Variants in RNF216 observed in about 807,000 individuals in gnomAD.
RNF216 encodes the protein ring finger protein 216, also known as E3 ubiquitin-protein ligase RNF216.
Under a neutral mutation model 110.8 loss-of-function variants are expected in RNF216, and 72 were observed. That is an observed-to-expected ratio of 0.65 (90% CI 0.54 to 0.79). The LOEUF is 0.79. Ranked by LOEUF, RNF216 falls within the 30% of genes least tolerant of loss-of-function variation. The pLI, the probability that RNF216 is intolerant of heterozygous loss-of-function variation, is 0.00. For missense variants in RNF216, 1,342 were observed against 1,141.2 expected (o/e 1.18, Z -2.54); for synonymous variants, 495 against 407.5 (o/e 1.21, Z -2.59).
At chr7:5,762,374 C>A in intron 1 of RNF216, among the ~76,000 whole-genome samples, 10 of 151,212 alleles carry the variant, frequency 6.6e-5, no homozygotes, top group Non-Finnish European at 1.3e-4. Flanking sequence ...AACACACACA[C>A]AGGCTGGGTG....
At chr7:5,632,755 C>T (rs537151955) in intron 15 of RNF216, among the ~76,000 whole-genome samples, 33 of 152,126 alleles carry the variant, frequency 2.2e-4, no homozygotes, top group African/African-American at 3.1e-4. Flanking sequence ...CCAGCCTGGG[C>T]GACAAGAGCA....
chr7:5,755,252 AAG>A (rs1169053428), intron 2 of RNF216, among the ~76,000 whole-genome samples: 1 of 151,352 alleles, frequency 6.6e-6, no homozygotes, highest in Non-Finnish European at 1.5e-5. Context: ...GGAAGGAAGG[AAG>A]GAAGGAAGGA....
intron 13 of RNF216, among the ~76,000 whole-genome samples, chr7:5,684,007 A>T (rs1482525429): frequency 6.6e-6 from 1 of 151,366 alleles, no homozygotes; most frequent in Non-Finnish European, 1.5e-5. Flanking sequence ...ATGTGTGAAG[A>T]CCAAGGCAGC....
rs747205368 is a variant in RNF216 at position 5,623,074 on chromosome 7, T to C, written c.2558A>G (p.Gln853Arg). The stretch of plus-strand genomic sequence containing the variant: ...GTGCGCGAAGGCATAGGGTGGCATC[T>C]GTGGCTGTGGCAGGTTCTGCGGAAC... The part of the protein sequence containing the change: ...RPVPQNLPQP[Q>R]MPPYAFAHPP... The change falls in exon 17 of 17, where the codon CAG becomes CGG. Residue 853 changes from glutamine to arginine, a missense_variant. By Grantham distance (43) the Gln-to-Arg change is conservative (BLOSUM62 1). Transcript: ENST00000389902. 4 of 1,612,742 alleles carry C rather than the reference T, an allele frequency of 2.5e-6. No individual in the cohort carries two copies. The highest frequency in any genetic ancestry group is 2.5e-6 in the Non-Finnish European group (3 of 1,178,892).
intron 13 of RNF216, among the ~76,000 whole-genome samples, chr7:5,663,575 C>T (rs972693942): frequency 1.6e-5 from 2 of 123,788 alleles, no homozygotes; most frequent in African/African-American, 3.1e-5. Flanking sequence ...CACAGCGAGA[C>T]TCCACCTCAG....
intron 13 of RNF216, among the ~76,000 whole-genome samples, chr7:5,677,388 G>A (rs1790370288): frequency 6.6e-6 from 1 of 152,124 alleles, no homozygotes. Flanking sequence ...ACTAATCACA[G>A]AACCATATTC....
chr7:5,730,271 T>G (rs1192836604), intron 6 of RNF216, among the ~76,000 whole-genome samples: 1 of 152,198 alleles, frequency 6.6e-6, no homozygotes, highest in Admixed American at 6.5e-5. Context: ...ACAGAGGACA[T>G]ATGTATGATA....
chr7:5,753,518 T>G (rs1446693102), intron 2 of RNF216, among the ~76,000 whole-genome samples: 1 of 152,234 alleles, frequency 6.6e-6, no homozygotes, highest in East Asian at 1.9e-4. Flanking sequence ...AATTTAACTT[T>G]CCAAGTTTCC....
chr7:5,630,946 G>T (rs147440235), intron 15 of RNF216, among the ~76,000 whole-genome samples: 95 of 152,252 alleles, frequency 6.2e-4, no homozygotes, highest in African/African-American at 2.0e-3. Context: ...TTCTGAATCG[G>T]AACTTCTGGC....
At chr7:5,760,439 C>A in intron 2 of RNF216, 1 of 385,450 alleles carries the variant, frequency 2.6e-6, no homozygotes, top group Non-Finnish European at 5.3e-6. Context: ...TCATTTGAAC[C>A]CAGGAGGCGG....
chr7:5,709,030 G>C (rs1792485245), intron 13 of RNF216, among the ~76,000 whole-genome samples: 1 of 152,168 alleles, frequency 6.6e-6, no homozygotes, highest in African/African-American at 2.4e-5. Context: ...GCTTCATCGA[G>C]TGAGACAGGA....
At chr7:5,685,939 C>A (rs551896882) in intron 13 of RNF216, among the ~76,000 whole-genome samples, 3 of 152,096 alleles carry the variant, frequency 2.0e-5, no homozygotes, top group Non-Finnish European at 4.4e-5. Flanking sequence ...GTAAAAAATT[C>A]CGGCCGGGCG....
At chr7:5,730,618 C>A in intron 6 of RNF216, 97 bp downstream of exon 6, 1 of 1,574,072 alleles carries the variant, frequency 6.4e-7, no homozygotes. Context: ...CTTGTCCCAA[C>A]AAAGCACTTT....
In RNF216 at chr7:5,725,055, A is replaced by G. The variant is rs1039321426; in HGVS notation, c.1504+269T>C. On this transcript the variant is annotated intron_variant, in intron 8 of 16. Transcript: ENST00000389902. Reference sequence around the variant, plus strand: ...TTTTTCCCCCCAAGCTTAACAGCACACTCAAATACCTTCTCACACATGAAT... The same window carrying G: ...TTTTTCCCCCCAAGCTTAACAGCACGCTCAAATACCTTCTCACACATGAAT... 2.0e-5 allele frequency among the ~76,000 whole-genome samples: 3 copies of G among 152,300 alleles called. 1 individual carries two copies.
At chr7:5,641,412 A>G (rs750271506) in intron 14 of RNF216, 36 bp from the exon 15 acceptor site, 45 of 1,557,938 alleles carry the variant, frequency 2.9e-5, no homozygotes, top group Non-Finnish European at 3.8e-5. Flanking sequence ...GCTGGGAGGG[A>G]AGATGAGGAG....
intron 12 of RNF216, among the ~76,000 whole-genome samples, chr7:5,712,317 T>C (rs1232534159): frequency 6.6e-6 from 1 of 152,124 alleles, no homozygotes; most frequent in East Asian, 1.9e-4. Context: ...TCGTCTCTAC[T>C]AAAAATAAGC....
At chr7:5,650,923 T>A (rs1788347235) in intron 14 of RNF216, among the ~76,000 whole-genome samples, 1 of 152,212 alleles carries the variant, frequency 6.6e-6, no homozygotes, top group African/African-American at 2.4e-5. Flanking sequence ...CCACTTCATT[T>A]TCTGAGTACC....
intron 5 of RNF216, chr7:5,733,270 G>A (rs1794195742): frequency 6.6e-6 from 1 of 152,164 alleles, no homozygotes; most frequent in Non-Finnish European, 1.5e-5. Context: ...TGGATTTCAC[G>A]AGAATTTTAA....
At chr7:5,625,645 A>G (rs1584329151) in intron 15 of RNF216, among the ~76,000 whole-genome samples, 1 of 152,268 alleles carries the variant, frequency 6.6e-6, no homozygotes, top group East Asian at 1.9e-4. Context: ...TTCTGGAGTT[A>G]GGAATTTCCT....
Sources: allele counts gnomAD v4.1 joint callset (sites outside exome capture counted in the v4.1 genomes callset), GRCh38; gene constraint gnomAD v4.1.1; transcripts MANE v1.5; gene names NCBI Gene and HGNC (gene_info 2026-07-23, HGNC 2026-07-21).